Variants in NECAB1 observed in about 807,000 individuals in gnomAD.
NECAB1 encodes the protein N-terminal EF-hand calcium binding protein 1, also known as N-terminal EF-hand calcium-binding protein 1.
NECAB1 carries 29 observed loss-of-function variants against 57.5 expected under a neutral mutation model. The observed-to-expected ratio is 0.50, with a 90% CI of 0.38 to 0.69. The LOEUF (loss-of-function observed/expected upper bound fraction) is 0.69. Among genes scored for constraint, NECAB1 ranks in the 30% least tolerant of loss-of-function variants. The pLI is 0.00. For missense variants in NECAB1, 372 were observed against 413.8 expected, an observed-to-expected ratio of 0.90 and a Z score of 0.88; for synonymous variants, 142 against 147.7, an observed-to-expected ratio of 0.96 and a Z score of 0.28.
At chr8:90,945,712 C>T (rs1487282523) in intron 10 of NECAB1, among the ~76,000 whole-genome samples, 1 of 152,144 alleles carries the variant, frequency 6.6e-6, no homozygotes, top group African/African-American at 2.4e-5. Context: ...TTTAATCCCA[C>T]CTGTTCCTGA....
intron 3 of NECAB1, among the ~76,000 whole-genome samples, chr8:90,871,876 G>A (rs1808627425): frequency 6.6e-6 from 1 of 152,022 alleles, no homozygotes; most frequent in African/African-American, 2.4e-5. Flanking sequence ...TTACCAATAT[G>A]CATTCTTTTC....
chr8:90,874,636 A>G (rs1047830557), intron 4 of NECAB1, among the ~76,000 whole-genome samples: 2 of 152,160 alleles, frequency 1.3e-5, no homozygotes, highest in Admixed American at 6.5e-5. Flanking sequence ...GTGCAGTTGC[A>G]TCCCCTTTTC....
At chr8:90,806,145 A>C (rs904118669) in intron 2 of NECAB1, among the ~76,000 whole-genome samples, 1 of 152,236 alleles carries the variant, frequency 6.6e-6, no homozygotes, top group African/African-American at 2.4e-5. Context: ...GTTGATTTGC[A>C]CTTGCTAAGG....
intron 9 of NECAB1, among the ~76,000 whole-genome samples, chr8:90,938,457 G>A (rs573853793): frequency 1.5e-4 from 23 of 152,236 alleles, no homozygotes; most frequent in Non-Finnish European, 2.2e-4. Context: ...ATATTAACAA[G>A]ATAGTAGGAC....
intron 3 of NECAB1, among the ~76,000 whole-genome samples, chr8:90,835,441 G>A (rs747326908): frequency 2.6e-5 from 4 of 152,014 alleles, no homozygotes; most frequent in Non-Finnish European, 2.9e-5. Context: ...GAGTTTGGGT[G>A]GTCATTTCCT....
In NECAB1 at chr8:90,954,749, T is replaced by C. The variant is rs543619426; in HGVS notation, c.1031-738T>C. ...TTATGAGATCCTATGTGTATAAATA[T>C]ATGGTATTTATAAATATCATATAGG... On this transcript the variant is annotated intron_variant, in intron 12 of 12. Coordinates refer to ENST00000417640, the MANE Select transcript of NECAB1 (RefSeq NM_022351.5). 1.7e-3 allele frequency among the ~76,000 whole-genome samples: 259 copies of C among 150,762 alleles called. 1 individual carries two copies. Among genetic ancestry groups the C allele is most frequent in the African/African-American group, 6.1e-3 (252 of 41,248 alleles).
chr8:90,917,706 A>G, intron 6 of NECAB1, 78 bp downstream of exon 6: 1 of 1,370,742 alleles, frequency 7.3e-7, no homozygotes, highest in Non-Finnish European at 9.7e-7. Flanking sequence ...CATTGTACTT[A>G]CACTAGCAAA....
chr8:90,860,030 C>T (rs552220007), intron 3 of NECAB1, among the ~76,000 whole-genome samples: 16 of 152,012 alleles, frequency 1.1e-4, no homozygotes, highest in Non-Finnish European at 2.1e-4. Flanking sequence ...AGCTAGAGGA[C>T]AAGAGTTGGG....
intron 2 of NECAB1, among the ~76,000 whole-genome samples, chr8:90,821,270 C>A (rs1563496661): frequency 6.6e-6 from 1 of 151,846 alleles, no homozygotes; most frequent in East Asian, 1.9e-4. Flanking sequence ...TTCTTTCTAG[C>A]AATGAATGGT....
At chr8:90,943,697 A>G (rs1216731990) in intron 10 of NECAB1, among the ~76,000 whole-genome samples, 1 of 152,144 alleles carries the variant, frequency 6.6e-6, no homozygotes, top group Non-Finnish European at 1.5e-5. Flanking sequence ...GGCACAAAAT[A>G]CCTCCATAAA....
At chr8:90,842,973 T>A (rs755619057) in intron 3 of NECAB1, among the ~76,000 whole-genome samples, 1 of 152,198 alleles carries the variant, frequency 6.6e-6, no homozygotes, top group Non-Finnish European at 1.5e-5. Flanking sequence ...CATACTGCTA[T>A]GAAGAAATAC....
At chr8:90,847,438 T>C (rs563040517) in intron 3 of NECAB1, among the ~76,000 whole-genome samples, 2 of 152,322 alleles carry the variant, frequency 1.3e-5, no homozygotes, top group Non-Finnish European at 2.9e-5. Flanking sequence ...AGGTGCACAG[T>C]GTAAGCTGTT....
intron 4 of NECAB1, among the ~76,000 whole-genome samples, chr8:90,877,453 A>G (rs1808748679): frequency 6.6e-6 from 1 of 152,166 alleles, no homozygotes. Context: ...CCTCGCCCTC[A>G]ACCCAAAGAT....
At chr8:90,821,955 T>A (rs569160535) in intron 2 of NECAB1, among the ~76,000 whole-genome samples, 30 of 151,938 alleles carry the variant, frequency 2.0e-4, no homozygotes, top group Admixed American at 1.7e-3. Context: ...GCTGCCTCCA[T>A]CTCAAAAAAT....
intron 1 of NECAB1, among the ~76,000 whole-genome samples, chr8:90,794,882 T>G (rs1811634974): frequency 6.6e-6 from 1 of 152,210 alleles, no homozygotes; most frequent in Non-Finnish European, 1.5e-5. Flanking sequence ...AGAATTGTCT[T>G]GCTAGAATAT....
At chr8:90,886,042 G>C (rs1808977339) in intron 5 of NECAB1, among the ~76,000 whole-genome samples, 1 of 152,172 alleles carries the variant, frequency 6.6e-6, no homozygotes, top group Non-Finnish European at 1.5e-5. Context: ...CATAAGCAAA[G>C]TTCTAGGCAA....
At chr8:90,926,251 T>C (rs998413572) in intron 7 of NECAB1, among the ~76,000 whole-genome samples, 1 of 152,246 alleles carries the variant, frequency 6.6e-6, no homozygotes, top group Non-Finnish European at 1.5e-5. Flanking sequence ...CATATATACA[T>C]GCACATATGT....
rs752951113 is a variant in NECAB1, at chr8:90,958,940, C to T, written c.*3428C>T. 53 of 910,754 alleles carry T rather than the reference C, an allele frequency of 5.8e-5. No individual in the cohort carries two copies. The highest frequency in any genetic ancestry group is 7.2e-5 in the Non-Finnish European group (44 of 607,876). The allele number at this position is 910,754 out of a possible 1,614,324, so 56.4% of individuals were successfully genotyped here. A position where few individuals can be genotyped will look rare whatever the true frequency, so the allele number is the denominator to read the frequency against. ...TAAATTGAATTGTCACAGTCCATTA[C>T]AGTTATTGTTGCTAGATCCACCTCA... On this transcript the variant is annotated 3_prime_UTR_variant, in exon 13 of 13. Coordinates refer to ENST00000417640, the MANE Select transcript of NECAB1 (RefSeq NM_022351.5).
intron 5 of NECAB1, among the ~76,000 whole-genome samples, chr8:90,896,161 T>TATC (rs1419504616): frequency 6.6e-6 from 1 of 152,186 alleles, no homozygotes; most frequent in Non-Finnish European, 1.5e-5. Flanking sequence ...CTCCCTTAGC[T>TATC]ATCCTCCACC....
Sources: gnomAD v4.1 joint callset for allele counts (sites outside exome capture counted in the v4.1 genomes callset) on GRCh38, gnomAD v4.1.1 for gene constraint, MANE v1.5 for transcripts, NCBI Gene and HGNC (gene_info 2026-07-23, HGNC 2026-07-21) for gene names.